Variants in MAB21L3 observed in about 807,000 individuals in gnomAD.
The protein encoded by MAB21L3 is protein mab-21-like 3.
In MAB21L3, 36 loss-of-function variants were observed where a neutral mutation model predicts 37.7. That is an observed-to-expected ratio of 0.96 (90% CI 0.73 to 1.26). The LOEUF is 1.26. Ranked by LOEUF, MAB21L3 falls within the 50% of genes most tolerant of loss-of-function variation. MAB21L3 has a pLI of 0.00. For missense variants in MAB21L3, 430 were observed against 447.3 expected, an observed-to-expected ratio of 0.96 and a Z score of 0.35; for synonymous variants, 186 against 176.8, an observed-to-expected ratio of 1.05 and a Z score of -0.41.
In MAB21L3 at chr1:116,138,101, T is replaced by C. The variant is rs1660230997; in HGVS notation, c.*4736T>C. Among the ~76,000 whole-genome samples, 1 of 151,472 alleles carries C rather than the reference T, an allele frequency of 6.6e-6. No individual in the cohort carries two copies. The highest frequency in any genetic ancestry group is 1.5e-5 in the Non-Finnish European group (1 of 67,934). On this transcript the variant is annotated 3_prime_UTR_variant, in exon 8 of 8. Coordinates refer to ENST00000369500, the MANE Select transcript of MAB21L3 (RefSeq NM_152367.3). ...AACTAACCTGCACATTGTGCACATG[T>C]ACCCTAAAACTTAAAGTATGATTAA...
rs775048296 is a variant in MAB21L3, at chr1:116,131,538, G to A, written c.856-1594G>A. On this transcript the variant is annotated intron_variant, in intron 7 of 7. Coordinates refer to ENST00000369500, the MANE Select transcript of MAB21L3 (RefSeq NM_152367.3). ...TTAATTTTTTTTTTGTTTTTGAGAC[G>A]GAGTCTCGCTTTGTTGCCCAGGCTG... is the stretch of plus-strand genomic sequence containing the variant. Among the ~76,000 whole-genome samples the A allele has an allele frequency of 8.7e-4, 133 of 152,068 alleles. 1 individual carries two copies. The highest frequency in any genetic ancestry group is 5.9e-4 in the Admixed American group (9 of 15,282).
chr1:116,118,120 A>G (rs796108714), intron 3 of MAB21L3, among the ~76,000 whole-genome samples: 23 of 152,302 alleles, frequency 1.5e-4, no homozygotes, highest in African/African-American at 5.5e-4. Context: ...ACGGTGGCTC[A>G]CACCTGTAAT....
At chr1:116,127,191 A>G (rs1426179428) in intron 5 of MAB21L3, among the ~76,000 whole-genome samples, 1 of 152,102 alleles carries the variant, frequency 6.6e-6, no homozygotes, top group East Asian at 1.9e-4. Context: ...AGGTACCCCA[A>G]ATGCCTTGGG....
At chr1:116,131,580 T>A (rs1014209220) in intron 7 of MAB21L3, among the ~76,000 whole-genome samples, 5 of 152,186 alleles carry the variant, frequency 3.3e-5, no homozygotes, top group African/African-American at 9.7e-5. Context: ...AGCGGCATGA[T>A]CTTGGCTCAC....
intron 5 of MAB21L3, among the ~76,000 whole-genome samples, chr1:116,125,877 C>CAGGGTGTGGGCCGGG (rs1298875625): frequency 4.0e-5 from 6 of 150,488 alleles, no homozygotes; most frequent in Non-Finnish European, 5.9e-5. Flanking sequence ...TGTGGGCCGG[C>CAGGGTGTGGGCCGGG]AGGGTGTGGG....
intron 1 of MAB21L3, among the ~76,000 whole-genome samples, 44 bp downstream of exon 1, chr1:116,111,554 T>G (rs1659423644): frequency 1.3e-5 from 2 of 152,126 alleles, no homozygotes; most frequent in South Asian, 4.1e-4. Context: ...TTAGATTATC[T>G]GATAGCAGAC....
At chr1:116,124,513 CT>C (rs983252162) in intron 5 of MAB21L3, among the ~76,000 whole-genome samples, 156 bp downstream of exon 5, 1 of 152,206 alleles carries the variant, frequency 6.6e-6, no homozygotes, top group African/African-American at 2.4e-5. Flanking sequence ...TATGAATCAG[CT>C]TTTTTTCCTG....
intron 3 of MAB21L3, among the ~76,000 whole-genome samples, chr1:116,115,647 C>G (rs1191631872): frequency 6.6e-6 from 1 of 152,232 alleles, no homozygotes; most frequent in Admixed American, 6.5e-5. Flanking sequence ...CACCACCACT[C>G]TGTCTCCATT....
chr1:116,131,924 G>C (rs1322625187), intron 7 of MAB21L3, among the ~76,000 whole-genome samples: 2 of 152,074 alleles, frequency 1.3e-5, no homozygotes, highest in African/African-American at 4.8e-5. Context: ...GGGTAGACTC[G>C]AGAAATACTT....
chr1:116,133,281 T>C lies in MAB21L3; in HGVS notation c.1005T>C (p.Phe335=). ...KHYFVRNSNL[F]QCTNPTELDT... is the part of the protein sequence containing the mutation. ...ATTTCGTCCGGAACAGCAACCTCTT[T>C]CAGTGCACCAACCCGACTGAACTGG... is the stretch of plus-strand genomic sequence containing the variant. Residue 335 remains phenylalanine (F), a synonymous_variant, in exon 8 of 8, where the codon TTT becomes TTC. Transcript: ENST00000369500. 6 of 1,614,156 alleles carry C rather than the reference T, an allele frequency of 3.7e-6. No homozygotes were observed. Among genetic ancestry groups the C allele is most frequent in the South Asian group, 2.2e-5 (2 of 91,076 alleles).
At chr1:116,127,353 C>A in intron 5 of MAB21L3, 113 bp from the exon 6 acceptor site, 1 of 992,202 alleles carries the variant, frequency 1.0e-6, no homozygotes, top group Non-Finnish European at 1.5e-6. Flanking sequence ...GTGAAAGTTG[C>A]CACACCAGTT....
In MAB21L3 at chr1:116,111,469, A is replaced by G. The variant is rs1393121149; in HGVS notation, c.-433A>G. The stretch of plus-strand genomic sequence containing the variant: ...AGTGGCCTTTGTGGGCAGCACTTAC[A>G]GGTGGGCTTGGAAACACTTGCCTTT... On this transcript the variant is annotated 5_prime_UTR_variant, in exon 1 of 8. Transcript: ENST00000369500. 6.6e-6 allele frequency among the ~76,000 whole-genome samples: 1 copy of G among 152,200 alleles called. No individual in the cohort carries two copies. The highest frequency in any genetic ancestry group is 2.4e-5 in the African/African-American group (1 of 41,444).
rs1056285468 is a variant in MAB21L3, at chr1:116,133,990, C to G, written c.*625C>G. 24 of 154,072 alleles carry G rather than the reference C, an allele frequency of 1.6e-4. No individual in the cohort carries two copies. Among genetic ancestry groups the G allele is most frequent in the African/African-American group, 5.3e-4 (22 of 41,472 alleles). 9.5% of individuals were successfully genotyped at this position (154,072 alleles called of 1,614,324 possible). A position where few individuals can be genotyped will look rare whatever the true frequency, so the allele number is the denominator to read the frequency against. On this transcript the variant is annotated 3_prime_UTR_variant, in exon 8 of 8. Transcript: ENST00000369500. ...GAGTTAGTGAGCCTGTGCTTCCTTGCTGCCCTCCAGCTTCCTTAGCATGTG... is the reference window on the plus strand; with the variant it reads ...GAGTTAGTGAGCCTGTGCTTCCTTGGTGCCCTCCAGCTTCCTTAGCATGTG...
chr1:116,133,243 T>A lies in MAB21L3; in HGVS notation c.967T>A (p.Phe323Ile). The change falls in exon 8 of 8, where the codon TTC becomes ATC. Residue 323 changes from phenylalanine (F) to isoleucine (I), a missense_variant. Coordinates refer to ENST00000369500, the MANE Select transcript of MAB21L3 (RefSeq NM_152367.3). ...ACTGCACAAGTGCGTGAGCCAGCACTTCCTGAAACACTATTTCGTCCGGAA... is the reference window on the plus strand; with the variant it reads ...ACTGCACAAGTGCGTGAGCCAGCACATCCTGAAACACTATTTCGTCCGGAA... ...RKLHKCVSQH[F>I]LKHYFVRNSN... is the part of the protein sequence containing the mutation. 6.2e-7 allele frequency: 1 copy of A among 1,614,204 alleles called. No individual in the cohort carries two copies. Among genetic ancestry groups the A allele is most frequent in the East Asian group, 2.2e-5 (1 of 44,882 alleles).
At chr1:116,119,152 C>G (rs1490682880) in intron 3 of MAB21L3, among the ~76,000 whole-genome samples, 4 of 152,130 alleles carry the variant, frequency 2.6e-5, no homozygotes, top group Non-Finnish European at 5.9e-5. Context: ...GTTATTTTTC[C>G]CATAATAGCA....
rs1278553037 is a variant in MAB21L3 at position 116,126,787 on chromosome 1, C to T, written c.482-679C>T. Among the ~76,000 whole-genome samples, 4 of 152,322 alleles carry T rather than the reference C, an allele frequency of 2.6e-5. No individual in the cohort carries two copies. The East Asian group carries it at 7.7e-4, about 29-fold the overall frequency. On this transcript the variant is annotated intron_variant, in intron 5 of 7. Transcript: ENST00000369500. ...AGTAGCAAATACAGAAGTTCCCCAA[C>T]TTGCCATGGCTCAACATATGATTTT...
chr1:116,121,629 T>A (rs1425720228), intron 4 of MAB21L3, among the ~76,000 whole-genome samples: 1 of 150,648 alleles, frequency 6.6e-6, no homozygotes, highest in Non-Finnish European at 1.5e-5. Context: ...CAGTTGAAAG[T>A]CAGTCTGTGG....
chr1:116,133,344 C>A lies in MAB21L3; in HGVS notation c.1068C>A (p.Asn356Lys). ...VAQKLATFLK[N>K]PQIGPP ...AAAAGCTGGCCACCTTCCTGAAGAA[C>A]CCCCAGATCGGCCCGCCCTGATGGT... is the stretch of plus-strand genomic sequence containing the variant. The change falls in exon 8 of 8, where the codon AAC (asparagine) becomes AAA (lysine). Residue 356 changes from asparagine to lysine, a missense_variant. Physicochemically the swap from Asn to Lys is moderately conservative, Grantham distance 94 (BLOSUM62 0). Transcript: ENST00000369500. 1.2e-6 allele frequency: 2 copies of A among 1,614,174 alleles called. No individual in the cohort carries two copies. The highest frequency in any genetic ancestry group is 8.5e-7 in the Non-Finnish European group (1 of 1,179,998).
rs772917349 is a variant in MAB21L3 at position 116,124,325 on chromosome 1, T to C, written c.449T>C (p.Val150Ala). The change falls in exon 5 of 8, where the codon GTG becomes GCG. Residue 150 changes from valine (V) to alanine (A), a missense_variant. By Grantham distance (64) the Val-to-Ala change is moderately conservative (BLOSUM62 0). Coordinates refer to ENST00000369500, the MANE Select transcript of MAB21L3 (RefSeq NM_152367.3). ...AKVLLVFRKL[V>A]ENAVRTCHLS... ...GTCCTCCTAGTGTTCCGGAAGCTGG[T>C]GGAAAATGCAGTTAGAACCTGTCAC... The C allele has an allele frequency of 2.5e-6, 4 of 1,613,746 alleles. No individual in the cohort carries two copies. The East Asian group carries it at 6.7e-5, about 27-fold the overall frequency.
Sources: gnomAD v4.1 joint callset for allele counts (sites outside exome capture counted in the v4.1 genomes callset) on GRCh38, gnomAD v4.1.1 for gene constraint, MANE v1.5 for transcripts, NCBI Gene and HGNC (gene_info 2026-07-23, HGNC 2026-07-21) for gene names.